Variants in BEND2 observed in about 807,000 individuals in gnomAD.
BEND2 encodes the protein BEN domain containing 2.
Under a neutral mutation model 43.8 loss-of-function variants are expected in BEND2, and 19 were observed. The observed-to-expected ratio is 0.43, with a 90% CI of 0.30 to 0.64. BEND2 has a LOEUF of 0.64. Among genes scored for constraint, BEND2 ranks in the 30% least tolerant of loss-of-function variants. BEND2 has a pLI of 0.11. For missense variants in BEND2, 544 were observed against 574.0 expected (o/e 0.95, Z 0.53); for synonymous variants, 226 against 210.1 (o/e 1.08, Z -0.66).
intron 2 of BEND2, among the ~76,000 whole-genome samples, chrX:18,214,810 C>CAAAA (rs58814498): frequency 9.7e-3 from 342 of 35,222 alleles, no homozygotes; most frequent in Middle Eastern, 0.033. Context: ...GACTCTGTCT[C>CAAAA]AAAAAAAAAA....
In BEND2 at chrX:18,212,557, A is replaced by G. The variant is rs757827462; in HGVS notation, c.492+8T>C. The G allele has an allele frequency of 1.8e-6, 2 of 1,092,360 alleles. No homozygotes were observed. Among genetic ancestry groups the G allele is most frequent in the South Asian group, 1.9e-5 (1 of 52,565 alleles). 90.0% of individuals were successfully genotyped at this position (1,092,360 alleles called of 1,213,427 possible). A position where few individuals can be genotyped will look rare whatever the true frequency, so the allele number is the denominator to read the frequency against. Reference sequence around the variant, plus strand: ...TTTTCACTTTAATAAACAAACCATAATATCTACCTCTGGAGTATAGAATCT... The same window carrying G: ...TTTTCACTTTAATAAACAAACCATAGTATCTACCTCTGGAGTATAGAATCT... On this transcript the variant is annotated splice_region_variant and intron_variant, in intron 4 of 13. Coordinates refer to ENST00000380033, the MANE Select transcript of BEND2 (RefSeq NM_153346.5).
chrX:18,171,250 A>G, intron 12 of BEND2, 46 bp from the exon 13 acceptor site: 1 of 1,126,890 alleles, frequency 8.9e-7, no homozygotes, highest in Non-Finnish European at 1.2e-6. Flanking sequence ...CAAATGTTAG[A>G]TTGCATTATT....
intron 9 of BEND2, among the ~76,000 whole-genome samples, chrX:18,178,075 G>A (rs1401798682): frequency 9.0e-6 from 1 of 111,444 alleles, no homozygotes; most frequent in African/African-American, 3.3e-5. Context: ...GTCATTGTTA[G>A]GCTGCAGGTG....
At chrX:18,188,456 T>TA (rs1924646536) in intron 8 of BEND2, among the ~76,000 whole-genome samples, 1 of 111,455 alleles carries the variant, frequency 9.0e-6, no homozygotes, top group Non-Finnish European at 1.9e-5. Context: ...TTACAACTGA[T>TA]ACCGCAGAAA....
intron 8 of BEND2, among the ~76,000 whole-genome samples, chrX:18,189,769 T>C (rs1449170066): frequency 8.1e-5 from 9 of 111,382 alleles, no homozygotes; most frequent in African/African-American, 2.9e-4. Context: ...CCAATGCATA[T>C]TAAACCCTCA....
rs769561036 is a variant in BEND2, at chrX:18,174,340, C to G, written c.1753-82G>C. On this transcript the variant is annotated intron_variant, in intron 11 of 13. Coordinates refer to ENST00000380033, the MANE Select transcript of BEND2 (RefSeq NM_153346.5). The stretch of plus-strand genomic sequence containing the variant: ...TGTGCTCTACCACCTACCAGGCCCA[C>G]CAGGTTGCTAGGGAAGCAACTGACT... 1.3e-5 allele frequency: 12 copies of G among 897,851 alleles called. No homozygotes were observed. The African/African-American group carries it at 1.8e-4, about 13-fold the overall frequency. 74.0% of individuals were successfully genotyped at this position (897,851 alleles called of 1,213,427 possible).
chrX:18,170,288 T>C (rs1345177683), intron 13 of BEND2, among the ~76,000 whole-genome samples: 1 of 112,158 alleles, frequency 8.9e-6, no homozygotes, highest in South Asian at 3.6e-4. Context: ...CAATGTAAAA[T>C]GTAGTTCTTA....
intron 2 of BEND2, among the ~76,000 whole-genome samples, chrX:18,215,073 T>C (rs1925636446): frequency 8.9e-6 from 1 of 111,754 alleles, no homozygotes; most frequent in African/African-American, 3.3e-5. Context: ...TGTTTTCCAC[T>C]GTGGGACATT....
chrX:18,173,632 G>T (rs1924043546), intron 12 of BEND2, among the ~76,000 whole-genome samples: 1 of 111,428 alleles, frequency 9.0e-6, no homozygotes, highest in South Asian at 3.8e-4. Context: ...AGCAGCGGGA[G>T]CACAATGTTC....
At chrX:18,173,563 T>C (rs2095350208) in intron 12 of BEND2, among the ~76,000 whole-genome samples, 1 of 111,508 alleles carries the variant, frequency 9.0e-6, no homozygotes, top group Admixed American at 9.5e-5. Context: ...GGTGGCACAG[T>C]CACTACTGAA....
chrX:18,196,874 A>G, intron 6 of BEND2, among the ~76,000 whole-genome samples: 1 of 111,199 alleles, frequency 9.0e-6, no homozygotes. Flanking sequence ...GGTGATGGAA[A>G]TGTTCTATGT....
chrX:18,167,755 G>C (rs930928769), intron 13 of BEND2, among the ~76,000 whole-genome samples: 1 of 111,126 alleles, frequency 9.0e-6, no homozygotes, highest in African/African-American at 3.3e-5. Context: ...TGTAGAGACA[G>C]GGTTTCGCCA....
chrX:18,195,565 C>T, intron 6 of BEND2, 123 bp from the exon 7 acceptor site: 2 of 675,234 alleles, frequency 3.0e-6, no homozygotes, highest in Admixed American at 3.9e-5. Context: ...CCCTAGCCGA[C>T]TTATCCATAT....
intron 11 of BEND2, among the ~76,000 whole-genome samples, chrX:18,174,925 C>T (rs1289079435): frequency 9.0e-6 from 1 of 111,037 alleles, no homozygotes; most frequent in Non-Finnish European, 1.9e-5. Flanking sequence ...CAAGACCCTG[C>T]ATTTTTCACA....
intron 11 of BEND2, 57 bp downstream of exon 11, chrX:18,175,915 C>T: frequency 9.4e-7 from 1 of 1,067,790 alleles, no homozygotes; most frequent in African/African-American, 1.9e-5. Flanking sequence ...AGTTCTGAAA[C>T]TGTACACAGT....
chrX:18,215,329 C>T (rs1486897065), intron 2 of BEND2, among the ~76,000 whole-genome samples: 1 of 111,954 alleles, frequency 8.9e-6, no homozygotes, highest in African/African-American at 3.3e-5. Context: ...TACTTTCTGT[C>T]TCTATGATAT....
chrX:18,171,378 G>C (rs1241935443), intron 12 of BEND2, among the ~76,000 whole-genome samples, 174 bp from the exon 13 acceptor site: 3 of 112,032 alleles, frequency 2.7e-5, no homozygotes. Flanking sequence ...GTCTTGCTTT[G>C]TCTCCTAGGC....
At chrX:18,216,783 C>T (rs1925689344) in intron 1 of BEND2, 50 bp from the exon 2 acceptor site, 16 of 974,636 alleles carry the variant, frequency 1.6e-5, no homozygotes, top group Non-Finnish European at 2.1e-5. Flanking sequence ...ATTAAATAAA[C>T]AGTTTCTTGA....
intron 5 of BEND2, 80 bp from the exon 6 acceptor site, chrX:18,202,020 G>A: frequency 1.0e-6 from 1 of 956,513 alleles, no homozygotes; most frequent in Admixed American, 3.3e-5. Flanking sequence ...TATCCTTCAA[G>A]AAAGAAAGAG....
Sources: gnomAD v4.1 joint callset for allele counts (sites outside exome capture counted in the v4.1 genomes callset) on GRCh38, gnomAD v4.1.1 for gene constraint, MANE v1.5 for transcripts, NCBI Gene and HGNC (gene_info 2026-07-23, HGNC 2026-07-21) for gene names.